The following ABCG1 variants were observed in gnomAD, a reference collection of about 807,000 sequenced individuals.
ABCG1 encodes ATP binding cassette subfamily G member 1, also known as ATP-binding cassette sub-family G member 1.
Under a neutral mutation model 69.2 loss-of-function variants are expected in ABCG1, and 29 were observed. That is an observed-to-expected ratio of 0.42 (90% confidence interval 0.31 to 0.57). ABCG1 has a LOEUF of 0.57. ABCG1 is among the 20% of genes least tolerant of loss of function. The pLI is 0.15. For synonymous variants in ABCG1, 370 were observed against 374.8 expected, an observed-to-expected ratio of 0.99 and a Z score of 0.15; for missense variants, 718 against 898.1, an observed-to-expected ratio of 0.80 and a Z score of 2.56.
At chr21:42,266,250 G>A (rs953029496) in intron 2 of ABCG1, among the ~76,000 whole-genome samples, 3 of 152,040 alleles carry the variant, frequency 2.0e-5, no homozygotes, top group Non-Finnish European at 2.9e-5. Flanking sequence ...GCAGTGAGCC[G>A]AGATTGCGCC....
chr21:42,265,082 A>G (rs1938310505), intron 2 of ABCG1, among the ~76,000 whole-genome samples: 2 of 152,160 alleles, frequency 1.3e-5, no homozygotes, highest in African/African-American at 2.4e-5. Context: ...GCTTCACACC[A>G]TCTTTCCGAG....
At position 42,291,092 on chromosome 21, in the gene ABCG1, T is replaced by C; in HGVS notation, c.1394T>C (p.Phe465Ser). 1 of 1,611,366 alleles carries C rather than the reference T, an allele frequency of 6.2e-7. No homozygotes were observed. ...FAALMPTVLT[F>S]PLEMGVFLRE... ...TCTTTTTTGCTTTTCTATCTCCTAG[T>C]TCCCCTGGAGATGGGAGTCTTTCTT... The change falls in exon 12 of 15, where the codon TTT becomes TCT. Residue 465 changes from phenylalanine (F) to serine (S), a missense_variant and splice_region_variant. By Grantham distance (155) the Phe-to-Ser change is radical (BLOSUM62 -2). Transcript: ENST00000398449. This position sits in a 1 kb window ranked among gnomAD's most constrained non-coding sequence, Gnocchi z 6.4.
At chr21:42,241,208 T>G (rs2068046556) in intron 2 of ABCG1, among the ~76,000 whole-genome samples, 1 of 152,264 alleles carries the variant, frequency 6.6e-6, no homozygotes, top group South Asian at 2.1e-4. Context: ...CCACCAGCTT[T>G]CAGCATCCAT....
At chr21:42,289,906 C>G (rs2069021368) in intron 10 of ABCG1, 144 bp from the exon 11 acceptor site, 13 of 823,022 alleles carry the variant, frequency 1.6e-5, no homozygotes, top group Non-Finnish European at 1.9e-6. Context: ...TGGCTTGTTT[C>G]TCTGGAGGAG....
chr21:42,265,326 C>A (rs541074275), intron 2 of ABCG1, among the ~76,000 whole-genome samples: 1 of 152,226 alleles, frequency 6.6e-6, no homozygotes, highest in Non-Finnish European at 1.5e-5. Flanking sequence ...CTAACCCCTG[C>A]TCCCTAAGAA....
rs2069057175 is a variant in ABCG1 at position 42,291,443 on chromosome 21, G to A, written c.1495-55G>A. 6.4e-7 allele frequency: 1 copy of A among 1,572,948 alleles called. No individual in the cohort carries two copies. Among genetic ancestry groups the A allele is most frequent in the Non-Finnish European group, 8.7e-7 (1 of 1,154,468 alleles). On this transcript the variant is annotated intron_variant, in intron 12 of 14. Coordinates refer to ENST00000398449, the MANE Select transcript of ABCG1 (RefSeq NM_016818.3). The surrounding 1 kb of genome is among the most constrained non-coding windows in gnomAD (Gnocchi z 6.4). ...CTGGCTGCCCAGGAGCTTTGCTGTT[G>A]GCCTGCTGTGGTGGGAAGCGGCTGA... is the stretch of plus-strand genomic sequence containing the variant.
intron 11 of ABCG1, 123 bp downstream of exon 11, chr21:42,290,341 A>G (rs2069033698): frequency 9.0e-7 from 1 of 1,107,820 alleles, no homozygotes; most frequent in Non-Finnish European, 1.3e-6. Context: ...TTTTTTTAAA[A>G]TATCATCTTC....
chr21:42,213,492 C>A (rs2067609409), upstream of ABCG1, among the ~76,000 whole-genome samples: 1 of 152,250 alleles, frequency 6.6e-6, no homozygotes, highest in Admixed American at 6.5e-5. Flanking sequence ...CAGAGAGCCC[C>A]CACCAGGACA....
chr21:42,291,543 T>A lies in ABCG1; in HGVS notation c.1540T>A (p.Ser514Thr). The A allele has an allele frequency of 6.2e-7, 1 of 1,613,722 alleles. No individual in the cohort carries two copies. Among genetic ancestry groups the A allele is most frequent in the Non-Finnish European group, 8.5e-7 (1 of 1,179,866 alleles). The change falls in exon 13 of 15, where the codon TCG becomes ACG. Residue 514 changes from serine to threonine, a missense_variant. By Grantham distance (58) the Ser-to-Thr change is moderately conservative. Coordinates refer to ENST00000398449, the MANE Select transcript of ABCG1 (RefSeq NM_016818.3). The surrounding 1 kb of genome is among the most constrained non-coding windows in gnomAD (Gnocchi z 6.4). ...AYCSIVYWMTSQPSDAVRFVL... is the reference protein window; with the variant it reads ...AYCSIVYWMTTQPSDAVRFVL... ...CTGCAGCATCGTGTACTGGATGACG[T>A]CGCAGCCGTCCGACGCCGTGCGCTT...
intron 2 of ABCG1, among the ~76,000 whole-genome samples, chr21:42,234,962 G>A (rs2067957173): frequency 6.6e-6 from 1 of 152,086 alleles, no homozygotes; most frequent in African/African-American, 2.4e-5. Context: ...GATTGGCTGC[G>A]GGCGCCCCGC....
chr21:42,249,083 TA>T (rs2123638008), intron 2 of ABCG1, among the ~76,000 whole-genome samples: 1 of 152,268 alleles, frequency 6.6e-6, no homozygotes, highest in South Asian at 2.1e-4. Context: ...ATGCCTTTTC[TA>T]AAAACTTCAA....
At chr21:42,256,611 G>T in intron 2 of ABCG1, 1 of 1,508,196 alleles carries the variant, frequency 6.6e-7, no homozygotes, top group South Asian at 1.3e-5. Flanking sequence ...GTTTTTACAG[G>T]CACAGGTCAG....
In ABCG1 at chr21:42,219,657, T is replaced by C. The variant is rs1601343233; in HGVS notation, c.42+353T>C. ...TGGGGACCCGGAGCGCACTGGGGAC[T>C]GGGGAGGGGCCGCAGCTTGGGCCGG... is the stretch of plus-strand genomic sequence containing the variant. On this transcript the variant is annotated intron_variant, in intron 1 of 14. Transcript: ENST00000398449. The surrounding 1 kb of genome is among the most constrained non-coding windows in gnomAD (Gnocchi z 5.3). 6.9e-6 allele frequency among the ~76,000 whole-genome samples: 1 copy of C among 144,432 alleles called. No individual in the cohort carries two copies. Among genetic ancestry groups the C allele is most frequent in the Admixed American group, 6.8e-5 (1 of 14,618 alleles). 94.8% of individuals were successfully genotyped at this position (144,432 alleles called of 152,430 possible). A position where few individuals can be genotyped will look rare whatever the true frequency, so the allele number is the denominator to read the frequency against.
At chr21:42,260,513 A>C (rs1476507168) in intron 2 of ABCG1, among the ~76,000 whole-genome samples, 4 of 152,160 alleles carry the variant, frequency 2.6e-5, no homozygotes, top group African/African-American at 9.7e-5. Flanking sequence ...TTATTTAGGG[A>C]GGAGAGGAGC....
At chr21:42,204,532 A>G (rs1035479015) in intron 2 of ABCG1, among the ~76,000 whole-genome samples, 2 of 152,200 alleles carry the variant, frequency 1.3e-5, no homozygotes, top group Non-Finnish European at 2.9e-5. Context: ...TTAATATAGT[A>G]TATTACATTG....
chr21:42,229,582 T>C (rs1293439180), intron 2 of ABCG1, among the ~76,000 whole-genome samples: 1 of 151,684 alleles, frequency 6.6e-6, no homozygotes, highest in Non-Finnish European at 1.5e-5. Context: ...TAGCCAAGCG[T>C]GGTGGCGAGT....
chr21:42,285,503 A>G (rs2068922941), intron 7 of ABCG1, among the ~76,000 whole-genome samples: 1 of 151,548 alleles, frequency 6.6e-6, no homozygotes, highest in East Asian at 1.9e-4. Flanking sequence ...AAGACCCTGT[A>G]TCAAAAAAAA....
rs148226451 is a variant in ABCG1, at chr21:42,287,931, G to A, written c.1016G>A (p.Arg339Gln). Residue 339 changes from arginine (R) to glutamine (Q), a missense_variant, in exon 9 of 15, where the codon CGG becomes CAG. Transcript: ENST00000398449. This position sits in a 1 kb window ranked among gnomAD's most constrained non-coding sequence, Gnocchi z 6.2. ...ASGEYGDQNSRLVRAVREGMC... is the reference protein window; with the variant it reads ...ASGEYGDQNSQLVRAVREGMC... ...GGCGAGTACGGTGATCAGAACAGTC[G>A]GCTGGTGAGAGCGGTTCGGGAGGGC... is the stretch of plus-strand genomic sequence containing the variant. The A allele has an allele frequency of 1.9e-4, 306 of 1,611,870 alleles. 3 individuals carry two copies. The highest frequency in any genetic ancestry group is 9.0e-4 in the South Asian group (82 of 90,874).
rs1220274736 is a variant in ABCG1, at chr21:42,287,750, ACGT to A, written c.974-137_974-135del. On this transcript the variant is annotated intron_variant, in intron 8 of 14. Transcript: ENST00000398449. The surrounding 1 kb of genome is among the most constrained non-coding windows in gnomAD (Gnocchi z 6.2). ...GCACGCTGGTTGATAAATGATTTTG[ACGT>A]CATGCCATTAGCACCGCCACGCAGC... 1.2e-6 allele frequency: 1 copy of A among 853,282 alleles called. No individual in the cohort carries two copies. Among genetic ancestry groups the A allele is most frequent in the African/African-American group, 1.7e-5 (1 of 59,180 alleles). The allele number at this position is 853,282 out of a possible 1,614,324, so 52.9% of individuals were successfully genotyped here.
Sources: gnomAD v4.1 joint callset for allele counts (sites outside exome capture counted in the v4.1 genomes callset) on GRCh38, gnomAD v4.1.1 for gene constraint, Gnocchi (gnomAD v3.1) non-coding constraint, MANE v1.5 for transcripts, NCBI Gene and HGNC (gene_info 2026-07-23, HGNC 2026-07-21) for gene names.